C9orf43: variants seen among roughly 807,000 people sequenced by gnomAD.
C9orf43 encodes the protein chromosome 9 open reading frame 43.
Under a neutral mutation model 59.1 loss-of-function variants are expected in C9orf43, and 45 were observed. The observed-to-expected ratio is 0.76, with a 90% confidence interval of 0.60 to 0.98. C9orf43 has a LOEUF of 0.98. Among genes scored for constraint, C9orf43 ranks in the 50% least tolerant of loss-of-function variants. C9orf43 has a pLI of 0.00. For missense variants in C9orf43, 533 were observed against 554.9 expected (o/e 0.96, Z 0.40); for synonymous variants, 203 against 196.8 (o/e 1.03, Z -0.26).
chr9:113,414,905 T>C (rs1385547211), intron 3 of C9orf43, among the ~76,000 whole-genome samples: 4 of 152,130 alleles, frequency 2.6e-5, no homozygotes, highest in Admixed American at 2.0e-4. Flanking sequence ...TGGAGTGCAA[T>C]GGCACGACCT....
rs776976021 is a variant in C9orf43, at chr9:113,413,896, T to C, written c.287+2T>C. On this transcript the variant is annotated splice_donor_variant, in intron 3 of 13. Transcript: ENST00000374165. LOFTEE classifies it high-confidence loss of function. ...GTTTTACTCCAAATTTCATGGCAGG[T>C]AAATTATCATGGAATCTTCCTTTAC... is the stretch of plus-strand genomic sequence containing the variant. The C allele has an allele frequency of 4.4e-6, 7 of 1,603,534 alleles. No homozygotes were observed. Among genetic ancestry groups the C allele is most frequent in the Non-Finnish European group, 5.1e-6 (6 of 1,175,744 alleles).
rs574145967 is a variant in C9orf43 at position 113,413,950 on chromosome 9, G to T, written c.287+56G>T. The T allele has an allele frequency of 7.1e-6, 11 of 1,540,446 alleles. No homozygotes were observed. In the African/African-American group the frequency reaches 1.1e-4, roughly 16 times the overall value. ...CTATTGTCTCAAAATTCTGGATTATGATTTTCCTTATCCATTAGTATACTT... is the reference window on the plus strand; with the variant it reads ...CTATTGTCTCAAAATTCTGGATTATTATTTTCCTTATCCATTAGTATACTT... On this transcript the variant is annotated intron_variant, in intron 3 of 13. Coordinates refer to ENST00000374165, the MANE Select transcript of C9orf43 (RefSeq NM_001278629.2).
chr9:113,416,930 T>C (rs1828381504), intron 3 of C9orf43, among the ~76,000 whole-genome samples: 1 of 152,190 alleles, frequency 6.6e-6, no homozygotes, highest in Admixed American at 6.5e-5. Context: ...CTAATTCCTT[T>C]TGGTCATTTG....
intron 8 of C9orf43, among the ~76,000 whole-genome samples, chr9:113,424,520 C>CTTTTTTTTTTTTT (rs567805386): frequency 7.2e-6 from 1 of 139,642 alleles, no homozygotes; most frequent in Non-Finnish European, 1.6e-5. Context: ...CTATTTCTTT[C>CTTTTTTTTTTTTT]TTTTTTTTTT....
intron 8 of C9orf43, among the ~76,000 whole-genome samples, chr9:113,424,568 C>T (rs1688330766): frequency 6.6e-6 from 1 of 150,924 alleles, no homozygotes; most frequent in African/African-American, 2.4e-5. Context: ...CACTCTGTCA[C>T]CCAGGGTGTA....
At chr9:113,422,427 T>C in intron 5 of C9orf43, 122 bp from the exon 6 acceptor site, 2 of 1,354,692 alleles carry the variant, frequency 1.5e-6, no homozygotes, top group Non-Finnish European at 2.0e-6. Flanking sequence ...ATCTTTGTGG[T>C]CATCATTCAC....
intron 4 of C9orf43, chr9:113,420,686 TAAAAG>T: frequency 1.2e-6 from 1 of 862,318 alleles, no homozygotes; most frequent in Non-Finnish European, 1.4e-6. Flanking sequence ...AGTCAGACTG[TAAAAG>T]AAAACACCTT....
intron 3 of C9orf43, among the ~76,000 whole-genome samples, chr9:113,417,883 A>G (rs1310697259): frequency 6.6e-6 from 1 of 152,238 alleles, no homozygotes; most frequent in Non-Finnish European, 1.5e-5. Flanking sequence ...TTCATAAAGC[A>G]GGCTGAGTGT....
intron 6 of C9orf43, 96 bp from the exon 7 acceptor site, chr9:113,423,230 A>C (rs1047595287): frequency 3.3e-6 from 4 of 1,210,964 alleles, no homozygotes; most frequent in Middle Eastern, 2.2e-4. Context: ...TGGCTGGAGT[A>C]CATGCCAGGG....
intron 5 of C9orf43, among the ~76,000 whole-genome samples, chr9:113,422,225 A>G (rs1373496069): frequency 2.6e-5 from 4 of 152,248 alleles, no homozygotes; most frequent in Non-Finnish European, 5.9e-5. Flanking sequence ...CATTACAGAC[A>G]TAACCACACC....
At chr9:113,428,398 C>T (rs41316966) in intron 12 of C9orf43, among the ~76,000 whole-genome samples, 175 bp downstream of exon 12, 92 of 152,256 alleles carry the variant, frequency 6.0e-4, no homozygotes, top group Middle Eastern at 6.8e-3. Context: ...GGCTGTTGGC[C>T]AAGTTGCTGG....
intron 7 of C9orf43, 26 bp from the exon 8 acceptor site, chr9:113,424,140 G>C (rs773858283): frequency 5.7e-6 from 9 of 1,568,700 alleles, no homozygotes; most frequent in Non-Finnish European, 6.9e-6. Context: ...GTTGCTGACT[G>C]TCTGGCTGTC....
At position 113,410,975 on chromosome 9, in the gene C9orf43, T is replaced by A; in HGVS notation, c.-76T>A. ...GAAGTTGATGTTCATTTTTAATCTT[T>A]TCGCCCCTCACGCTTTTGTAATAAT... On this transcript the variant is annotated 5_prime_UTR_variant, in exon 1 of 14. Coordinates refer to ENST00000374165, the MANE Select transcript of C9orf43 (RefSeq NM_001278629.2). The A allele has an allele frequency of 2.0e-6, 2 of 986,318 alleles. No homozygotes were observed. Among genetic ancestry groups the A allele is most frequent in the Non-Finnish European group, 2.4e-6 (2 of 830,454 alleles). 61.1% of individuals were successfully genotyped at this position (986,318 alleles called of 1,614,324 possible). A position where few individuals can be genotyped will look rare whatever the true frequency, so the allele number is the denominator to read the frequency against.
At chr9:113,421,249 C>T (rs1828558321) in intron 5 of C9orf43, 46 bp downstream of exon 5, 7 of 1,370,726 alleles carry the variant, frequency 5.1e-6, no homozygotes, top group South Asian at 1.2e-5. Context: ...TCTATAAATC[C>T]CTGATGTCTT....
chr9:113,415,024 G>A (rs1372218928), intron 3 of C9orf43, among the ~76,000 whole-genome samples: 1 of 152,140 alleles, frequency 6.6e-6, no homozygotes, highest in Admixed American at 6.5e-5. Flanking sequence ...TAGAGACAGA[G>A]TTTCACCATG....
chr9:113,411,532 C>G (rs1270321693), intron 1 of C9orf43, among the ~76,000 whole-genome samples: 1 of 152,160 alleles, frequency 6.6e-6, no homozygotes, highest in African/African-American at 2.4e-5. Context: ...ATCTCCTGAC[C>G]TCGTGATCCG....
intron 3 of C9orf43, among the ~76,000 whole-genome samples, chr9:113,414,904 A>G (rs1045543790): frequency 2.0e-5 from 3 of 151,960 alleles, no homozygotes; most frequent in Non-Finnish European, 2.9e-5. Context: ...TTGGAGTGCA[A>G]TGGCACGACC....
At position 113,429,452 on chromosome 9, in the gene C9orf43, G is replaced by A; in HGVS notation, c.*66G>A. 7.2e-7 allele frequency: 1 copy of A among 1,386,238 alleles called. No individual in the cohort carries two copies. The highest frequency in any genetic ancestry group is 1.0e-6 in the Non-Finnish European group (1 of 987,454). 85.9% of individuals were successfully genotyped at this position (1,386,238 alleles called of 1,614,324 possible). A position where few individuals can be genotyped will look rare whatever the true frequency, so the allele number is the denominator to read the frequency against. On this transcript the variant is annotated 3_prime_UTR_variant, in exon 14 of 14. Coordinates refer to ENST00000374165, the MANE Select transcript of C9orf43 (RefSeq NM_001278629.2). ...AGCCGTGTTCCAAAGCGGGATGGCT[G>A]GTATCCTGAGGGCAGCAACGTTTCA...
chr9:113,425,202 C>A, intron 9 of C9orf43, 126 bp downstream of exon 9: 2 of 1,458,462 alleles, frequency 1.4e-6, no homozygotes, highest in South Asian at 1.2e-5. Context: ...ATGTAGAACT[C>A]AGGAAACAAT....
Sources: allele counts gnomAD v4.1 joint callset (sites outside exome capture counted in the v4.1 genomes callset), GRCh38; gene constraint gnomAD v4.1.1; transcripts MANE v1.5; gene names NCBI Gene and HGNC (gene_info 2026-07-23, HGNC 2026-07-21).